ADAMTS2: variants seen among roughly 807,000 people sequenced by gnomAD.
ADAMTS2 encodes A disintegrin and metalloproteinase with thrombospondin motifs 2.
ADAMTS2 carries 50 observed loss-of-function variants against 123.0 expected under a neutral mutation model. That is an observed-to-expected ratio of 0.41 (90% CI 0.32 to 0.51). The LOEUF is 0.51. Ranked by LOEUF, ADAMTS2 falls within the 20% of genes least tolerant of loss-of-function variation. ADAMTS2 has a pLI of 0.35. For synonymous variants in ADAMTS2, 678 were observed against 695.4 expected (o/e 0.98, Z 0.39); for missense variants, 1,494 against 1,705.2 (o/e 0.88, Z 2.18).
intron 5 of ADAMTS2, among the ~76,000 whole-genome samples, chr5:179,159,924 C>T (rs887818476): frequency 6.6e-5 from 10 of 152,128 alleles, no homozygotes; most frequent in African/African-American, 2.4e-4. Context: ...TTTTCCTCCA[C>T]AATCCTCACA....
intron 2 of ADAMTS2, among the ~76,000 whole-genome samples, chr5:179,289,191 C>T (rs1348375318): frequency 6.6e-6 from 1 of 152,112 alleles, no homozygotes; most frequent in Admixed American, 6.5e-5. Flanking sequence ...GAAATCACAC[C>T]CAAGCACAGC....
chr5:179,236,901 T>C (rs1019234431), intron 3 of ADAMTS2, among the ~76,000 whole-genome samples: 1 of 152,084 alleles, frequency 6.6e-6, no homozygotes, highest in Non-Finnish European at 1.5e-5. Context: ...AGGTGGGGCC[T>C]TTGGGGGGTA....
At chr5:179,208,302 C>T (rs1764767310) in intron 3 of ADAMTS2, among the ~76,000 whole-genome samples, 1 of 152,222 alleles carries the variant, frequency 6.6e-6, no homozygotes, top group Admixed American at 6.5e-5. Flanking sequence ...TCCCCAGTGT[C>T]TCCTTGGGCC....
chr5:179,306,271 G>C (rs1756669640), intron 2 of ADAMTS2, among the ~76,000 whole-genome samples: 1 of 152,108 alleles, frequency 6.6e-6, no homozygotes, highest in Admixed American at 6.6e-5. Flanking sequence ...GTGCACAACA[G>C]ACAAGTCATG....
chr5:179,341,321 A>G lies in ADAMTS2; in HGVS notation c.534+2446T>C, dbSNP rs150353010. On this transcript the variant is annotated intron_variant, in intron 2 of 21. Transcript: ENST00000251582. Reference sequence around the variant, plus strand: ...CAGATCGCTTGAGGTCGGGAGTTTGAGACCAGCCTGATCAAAAGGAAAGAA... The same window carrying G: ...CAGATCGCTTGAGGTCGGGAGTTTGGGACCAGCCTGATCAAAAGGAAAGAA... The G allele has an allele frequency of 5.8e-4, 225 of 389,118 alleles. 8 individuals carry two copies. In the East Asian group the frequency reaches 0.015, roughly 27 times the overall value. The allele number at this position is 389,118 out of a possible 1,614,324, so 24.1% of individuals were successfully genotyped here. A position where few individuals can be genotyped will look rare whatever the true frequency, so the allele number is the denominator to read the frequency against.
In ADAMTS2 at chr5:179,317,181, G is replaced by A. The variant is rs1054301313; in HGVS notation, c.534+26586C>T. The stretch of plus-strand genomic sequence containing the variant: ...TGTCACTCTGCCAGCTGGCAGCAGG[G>A]CCACCTCTGAGCATCCTTTTCCTCA... On this transcript the variant is annotated intron_variant, in intron 2 of 21. Transcript: ENST00000251582. The surrounding 1 kb of genome is among the most constrained non-coding windows in gnomAD (Gnocchi z 4.9). 6.6e-6 allele frequency among the ~76,000 whole-genome samples: 1 copy of A among 152,054 alleles called. No individual in the cohort carries two copies. Among genetic ancestry groups the A allele is most frequent in the African/African-American group, 2.4e-5 (1 of 41,412 alleles).
intron 7 of ADAMTS2, 149 bp from the exon 8 acceptor site, chr5:179,154,341 C>T: frequency 1.7e-6 from 2 of 1,183,068 alleles, no homozygotes; most frequent in East Asian, 5.1e-5. Flanking sequence ...GACCATCTAC[C>T]TGCTGCAATT....
intron 3 of ADAMTS2, among the ~76,000 whole-genome samples, chr5:179,232,191 GT>G (rs1765425084): frequency 6.6e-6 from 1 of 152,194 alleles, no homozygotes; most frequent in South Asian, 2.1e-4. Context: ...CCAAACTCCA[GT>G]TTGCTAAGCC....
rs542667224 is a variant in ADAMTS2, at chr5:179,269,935, A to G, written c.688+2976T>C. Among the ~76,000 whole-genome samples the G allele has an allele frequency of 2.0e-5, 3 of 152,278 alleles. No individual in the cohort carries two copies. The South Asian group carries it at 6.2e-4, about 32-fold the overall frequency. ...GTCCTGGCCAGGTTCCCAGGCCAGC[A>G]GCACTGAGCAGGACCCTTCTGCCAA... On this transcript the variant is annotated intron_variant, in intron 3 of 21. Coordinates refer to ENST00000251582, the MANE Select transcript of ADAMTS2 (RefSeq NM_014244.5).
At chr5:179,125,299 A>T in intron 18 of ADAMTS2, 119 bp from the exon 19 acceptor site, 2 of 853,256 alleles carry the variant, frequency 2.3e-6, no homozygotes, top group Non-Finnish European at 3.8e-6. Context: ...GGCAGCCTGC[A>T]CCCCTCCCCG....
chr5:179,257,462 C>T (rs371989810), intron 3 of ADAMTS2, among the ~76,000 whole-genome samples: 1 of 152,146 alleles, frequency 6.6e-6, no homozygotes, highest in South Asian at 2.1e-4. Context: ...CCGCCCAGCC[C>T]GGGGAGTCCA....
intron 5 of ADAMTS2, among the ~76,000 whole-genome samples, chr5:179,177,971 T>C (rs903477504): frequency 1.4e-4 from 22 of 152,258 alleles, no homozygotes; most frequent in African/African-American, 5.3e-4. Flanking sequence ...TTTTAAACAA[T>C]GTAGGAGCAA....
chr5:179,117,779 A>G lies in ADAMTS2; in HGVS notation c.3179-3455T>C, dbSNP rs561709334. On this transcript the variant is annotated intron_variant, in intron 21 of 21. Transcript: ENST00000251582. This position sits in a 1 kb window ranked among gnomAD's most constrained non-coding sequence, Gnocchi z 4.2. ...TCTTGAACTCCTGACCTTGTGATCC[A>G]TCCACCTCAGCCTCCCAAAGTGCTG... Among the ~76,000 whole-genome samples, 1 of 152,160 alleles carries G rather than the reference A, an allele frequency of 6.6e-6. No individual in the cohort carries two copies. Among genetic ancestry groups the G allele is most frequent in the Non-Finnish European group, 1.5e-5 (1 of 67,998 alleles).
intron 2 of ADAMTS2, among the ~76,000 whole-genome samples, chr5:179,310,805 C>T (rs906289403): frequency 1.2e-4 from 19 of 152,094 alleles, no homozygotes; most frequent in Non-Finnish European, 1.6e-4. Flanking sequence ...GCCCTGGGGA[C>T]GCAGAGGCAT....
chr5:179,299,086 C>T (rs979263251), intron 2 of ADAMTS2, among the ~76,000 whole-genome samples: 2 of 151,814 alleles, frequency 1.3e-5, no homozygotes, highest in East Asian at 3.9e-4. Context: ...GTCAAGAGGG[C>T]AGAAGAGAGA....
intron 3 of ADAMTS2, among the ~76,000 whole-genome samples, chr5:179,237,436 T>C (rs1765556831): frequency 1.3e-5 from 2 of 152,300 alleles, no homozygotes; most frequent in African/African-American, 4.8e-5. Flanking sequence ...CTTCCCAGCC[T>C]CCAGAACCAT....
chr5:179,127,877 C>T, intron 17 of ADAMTS2, 82 bp downstream of exon 17: 2 of 1,589,504 alleles, frequency 1.3e-6, no homozygotes, highest in East Asian at 4.5e-5. Context: ...CCTGCTCACG[C>T]TGGCCCCACC....
intron 2 of ADAMTS2, among the ~76,000 whole-genome samples, chr5:179,298,009 G>A (rs929587405): frequency 4.6e-5 from 7 of 151,998 alleles, no homozygotes; most frequent in Admixed American, 3.3e-4. Flanking sequence ...CAGGGCCCCG[G>A]GGACCTCCAC....
chr5:179,178,967 T>C (rs187993886), intron 5 of ADAMTS2, among the ~76,000 whole-genome samples: 1 of 152,316 alleles, frequency 6.6e-6, no homozygotes, highest in East Asian at 1.9e-4. Flanking sequence ...CCTAATATTC[T>C]CTTTCCTTGC....
Sources: allele counts gnomAD v4.1 joint callset (sites outside exome capture counted in the v4.1 genomes callset), GRCh38; gene constraint gnomAD v4.1.1; non-coding constraint Gnocchi (gnomAD v3.1); transcripts MANE v1.5; gene names NCBI Gene and HGNC (gene_info 2026-07-23, HGNC 2026-07-21).